Variants in RNF144A observed in about 807,000 individuals in gnomAD.
RNF144A encodes the protein E3 ubiquitin-protein ligase RNF144A.
Under a neutral mutation model 38.7 loss-of-function variants are expected in RNF144A, and 11 were observed. The observed-to-expected ratio is 0.28, with a 90% CI of 0.18 to 0.47. The LOEUF (loss-of-function observed/expected upper bound fraction) is 0.47, where lower values mean the gene tolerates loss of function less well. Ranked by LOEUF, RNF144A falls within the 20% of genes least tolerant of loss-of-function variation. The probability of loss-of-function intolerance (pLI) is 0.99; values close to 1 mark genes in which losing one functional copy is unlikely to be tolerated. For synonymous variants in RNF144A, 149 were observed against 143.9 expected (o/e 1.04, Z -0.25); for missense variants, 316 against 377.2 (o/e 0.84, Z 1.34).
Position 6,943,371 on chromosome 2 carries a change from C to G in RNF144A, c.-12+2224C>G. Among the ~76,000 whole-genome samples, 1 of 152,060 alleles carries G rather than the reference C, an allele frequency of 6.6e-6. No homozygotes were observed. The highest frequency in any genetic ancestry group is 1.9e-4 in the East Asian group (1 of 5,172). ...AGGACCAGTGGTCCAGTGGCTGTGG[C>G]CACACAAGCTGGATTGGAGAGAAGA... On this transcript the variant is annotated intron_variant, in intron 2 of 8. Coordinates refer to ENST00000320892, the MANE Select transcript of RNF144A (RefSeq NM_014746.6). The surrounding 1 kb of genome is among the most constrained non-coding windows in gnomAD (Gnocchi z 4.3).
chr2:7,011,548 A>G (rs1670804449), intron 3 of RNF144A, among the ~76,000 whole-genome samples: 1 of 152,234 alleles, frequency 6.6e-6, no homozygotes, highest in African/African-American at 2.4e-5. Flanking sequence ...GTAACACGCC[A>G]TATGACTTTT....
chr2:6,996,178 C>T (rs908392481), intron 2 of RNF144A, among the ~76,000 whole-genome samples: 1 of 152,214 alleles, frequency 6.6e-6, no homozygotes, highest in Non-Finnish European at 1.5e-5. Flanking sequence ...ACTCAAGCCT[C>T]ACCACCCCCA....
chr2:6,923,067 ACT>A (rs1341026744), intron 1 of RNF144A, among the ~76,000 whole-genome samples: 1 of 151,768 alleles, frequency 6.6e-6, no homozygotes, highest in East Asian at 1.9e-4. Flanking sequence ...TCTAGAGTGA[ACT>A]CTCTGATGTC....
At chr2:7,049,450 T>A (rs1673431129) in intron 6 of RNF144A, among the ~76,000 whole-genome samples, 1 of 152,186 alleles carries the variant, frequency 6.6e-6, no homozygotes, top group Non-Finnish European at 1.5e-5. Context: ...AGAAAACCTC[T>A]GGAGATTTTG....
At chr2:7,065,090 A>G (rs1000267984) in intron 6 of RNF144A, among the ~76,000 whole-genome samples, 2 of 152,246 alleles carry the variant, frequency 1.3e-5, no homozygotes, top group South Asian at 2.1e-4. Context: ...GTTGTCTGCT[A>G]TGTGCTAGGT....
At chr2:7,033,443 T>C (rs1486973660) in intron 8 of RNF144A, among the ~76,000 whole-genome samples, 1 of 152,182 alleles carries the variant, frequency 6.6e-6, no homozygotes, top group African/African-American at 2.4e-5. Context: ...TGAGCATGGG[T>C]CTTGGCAGCC....
Position 7,041,650 on chromosome 2 carries a change from T to TG in RNF144A, c.*1892dup, listed in dbSNP as rs1278116365. ...GCTTGAGCCCTCAGCCTGTGATATG[T>TG]GGATGCAGCTGTCCAGCCACTGCCC... On this transcript the variant is annotated 3_prime_UTR_variant, in exon 9 of 9. Transcript: ENST00000320892. 2.0e-6 allele frequency: 2 copies of TG among 985,468 alleles called. No individual in the cohort carries two copies. The highest frequency in any genetic ancestry group is 2.4e-6 in the Non-Finnish European group (2 of 829,980). 61.0% of individuals were successfully genotyped at this position (985,468 alleles called of 1,614,324 possible).
At chr2:7,070,561 A>C (rs1410044970), downstream of RNF144A, among the ~76,000 whole-genome samples, 1 of 152,126 alleles carries the variant, frequency 6.6e-6, no homozygotes, top group Non-Finnish European at 1.5e-5. Context: ...CCTTATTTGG[A>C]AATAGAGAGT....
chr2:6,984,521 C>T (rs1383111511), intron 2 of RNF144A, among the ~76,000 whole-genome samples: 3 of 152,126 alleles, frequency 2.0e-5, no homozygotes, highest in Non-Finnish European at 4.4e-5. Context: ...CCAGGCTGGT[C>T]TCGAGCTCCT....
chr2:7,042,544 T>C lies in RNF144A; in HGVS notation c.*2784T>C, dbSNP rs1383975142. 4 of 985,392 alleles carry C rather than the reference T, an allele frequency of 4.1e-6. No individual in the cohort carries two copies. Among genetic ancestry groups the C allele is most frequent in the Non-Finnish European group, 4.8e-6 (4 of 829,982 alleles). 61.0% of individuals were successfully genotyped at this position (985,392 alleles called of 1,614,324 possible). A position where few individuals can be genotyped will look rare whatever the true frequency, so the allele number is the denominator to read the frequency against. ...CCCAGGGTGGGTGGCCAGTGAGGAC[T>C]GGCCTTAGCCCAGTGGACCTGTGGC... is the stretch of plus-strand genomic sequence containing the variant. On this transcript the variant is annotated 3_prime_UTR_variant, in exon 9 of 9. Transcript: ENST00000320892.
At chr2:7,048,938 A>G (rs1673410786), downstream of RNF144A, among the ~76,000 whole-genome samples, 1 of 152,192 alleles carries the variant, frequency 6.6e-6, no homozygotes, top group Non-Finnish European at 1.5e-5. Context: ...AACCCGTGGC[A>G]ACTGAGAATG....
the RNF144A span, among the ~76,000 whole-genome samples, chr2:7,073,654 G>C: frequency 2.0e-5 from 3 of 152,220 alleles, no homozygotes; most frequent in African/African-American, 7.2e-5. Flanking sequence ...TCAGTGAAAA[G>C]TAAAGATTAT....
intron 1 of RNF144A, among the ~76,000 whole-genome samples, chr2:6,937,016 C>T (rs571545770): frequency 2.0e-5 from 3 of 152,174 alleles, no homozygotes; most frequent in East Asian, 3.9e-4. Flanking sequence ...AGGTTGAGTG[C>T]GTGAACATTT....
intron 2 of RNF144A, among the ~76,000 whole-genome samples, chr2:6,982,188 A>T (rs535371460): frequency 1.3e-5 from 2 of 152,366 alleles, no homozygotes; most frequent in African/African-American, 4.8e-5. Flanking sequence ...GCCAAATCTT[A>T]TCATTGACTT....
At chr2:6,977,577 G>A (rs1241003430) in intron 2 of RNF144A, among the ~76,000 whole-genome samples, 1 of 152,180 alleles carries the variant, frequency 6.6e-6, no homozygotes, top group Non-Finnish European at 1.5e-5. Flanking sequence ...TATTATATGG[G>A]CATAAAATGA....
chr2:7,019,355 G>A (rs1472357816), intron 5 of RNF144A, among the ~76,000 whole-genome samples: 2 of 152,226 alleles, frequency 1.3e-5, no homozygotes, highest in African/African-American at 2.4e-5. Context: ...CGGTCCACGT[G>A]CGGCGCCAGC....
downstream of RNF144A, among the ~76,000 whole-genome samples, chr2:7,044,464 C>T (rs1398625349): frequency 1.3e-5 from 2 of 152,150 alleles, no homozygotes; most frequent in South Asian, 2.1e-4. Context: ...TTCCTGGCTC[C>T]CTCTTGTGGT....
At chr2:7,018,083 G>A (rs1182559839) in intron 5 of RNF144A, among the ~76,000 whole-genome samples, 2 of 152,200 alleles carry the variant, frequency 1.3e-5, no homozygotes, top group African/African-American at 2.4e-5. Context: ...AGGAGGTGGT[G>A]CATGACAAAT....
intron 2 of RNF144A, among the ~76,000 whole-genome samples, chr2:6,982,836 G>T (rs973557469): frequency 6.6e-6 from 1 of 152,182 alleles, no homozygotes; most frequent in Non-Finnish European, 1.5e-5. Context: ...TCGGGTTTCT[G>T]TGCTTGTTTT....
Sources: gnomAD v4.1 joint callset for allele counts (sites outside exome capture counted in the v4.1 genomes callset) on GRCh38, gnomAD v4.1.1 for gene constraint, Gnocchi (gnomAD v3.1) non-coding constraint, MANE v1.5 for transcripts, NCBI Gene and HGNC (gene_info 2026-07-23, HGNC 2026-07-21) for gene names.